Variants in CADM2 observed in about 807,000 individuals in gnomAD.
The protein encoded by CADM2 is cell adhesion molecule 2, also known as immunoglobulin superfamily member 4D.
A neutral mutation model predicts 49.8 loss-of-function variants in CADM2; 12 were observed. That is an observed-to-expected ratio of 0.24 (90% CI 0.15 to 0.39). The LOEUF (loss-of-function observed/expected upper bound fraction) is 0.39, where lower values mean the gene tolerates loss of function less well. Among genes scored for constraint, CADM2 ranks in the 10% least tolerant of loss-of-function variants. CADM2 has a pLI of 1.00. For synonymous variants in CADM2, 214 were observed against 175.4 expected (o/e 1.22, Z -1.74); for missense variants, 378 against 492.3 (o/e 0.77, Z 2.20).
chr3:86,049,750 C>T (rs1737127415), intron 8 of CADM2, among the ~76,000 whole-genome samples: 1 of 152,100 alleles, frequency 6.6e-6, no homozygotes, highest in South Asian at 2.1e-4. Context: ...TTTAAACAAC[C>T]AGATCTCATG....
chr3:85,027,862 A>G (rs2034804863), intron 1 of CADM2, among the ~76,000 whole-genome samples: 1 of 152,208 alleles, frequency 6.6e-6, no homozygotes. Flanking sequence ...TTCTGCTGGA[A>G]TATTTGCCCA....
chr3:85,356,562 C>A (rs1459237647), intron 1 of CADM2, among the ~76,000 whole-genome samples: 1 of 151,996 alleles, frequency 6.6e-6, no homozygotes, highest in Non-Finnish European at 1.5e-5. Context: ...TGAAAAGATG[C>A]CTAAGATGTA....
At chr3:85,735,297 T>C (rs913197976) in intron 2 of CADM2, among the ~76,000 whole-genome samples, 3 of 152,026 alleles carry the variant, frequency 2.0e-5, no homozygotes, top group African/African-American at 7.2e-5. Flanking sequence ...AAGCAAGCCA[T>C]GCCAATGGAA....
chr3:85,285,284 C>T (rs1197182387), intron 1 of CADM2, among the ~76,000 whole-genome samples: 1 of 151,950 alleles, frequency 6.6e-6, no homozygotes, highest in Non-Finnish European at 1.5e-5. Context: ...ATGTTCAGCA[C>T]ATATATGGTA....
intron 1 of CADM2, among the ~76,000 whole-genome samples, chr3:85,584,450 C>T (rs535829670): frequency 4.6e-5 from 7 of 151,894 alleles, no homozygotes; most frequent in Non-Finnish European, 8.8e-5. Context: ...CAAAGAAATT[C>T]GAAGACTTAA....
At chr3:85,397,508 C>T (rs1274724969) in intron 1 of CADM2, among the ~76,000 whole-genome samples, 1 of 152,080 alleles carries the variant, frequency 6.6e-6, no homozygotes, top group Non-Finnish European at 1.5e-5. Flanking sequence ...AATGGATAAG[C>T]AAAGCGTGCT....
chr3:85,412,535 T>A lies in CADM2; in HGVS notation c.62-313987T>A, dbSNP rs536483611. Among the ~76,000 whole-genome samples, 112 of 11,146 alleles carry A rather than the reference T, an allele frequency of 0.01. 4 individuals are homozygous for A. The South Asian group carries it at 0.31, about 31-fold the overall frequency. 7.3% of individuals were successfully genotyped at this position (11,146 alleles called of 152,430 possible). A position where few individuals can be genotyped will look rare whatever the true frequency, so the allele number is the denominator to read the frequency against. On this transcript the variant is annotated intron_variant, in intron 1 of 9. Coordinates refer to ENST00000383699, the MANE Select transcript of CADM2 (RefSeq NM_001167675.2). ...GGTATCCTAGGTCCTATGTAATTCG[T>A]TTTTTTTTTTTTCTGTATCATGCTT...
At chr3:85,359,659 TATATATA>T (rs1328089423) in intron 1 of CADM2, among the ~76,000 whole-genome samples, 9 of 23,812 alleles carry the variant, frequency 3.8e-4, no homozygotes, top group African/African-American at 8.6e-4. Context: ...TATATATATA[TATATATA>T]TTTTTTTTTT....
chr3:85,648,146 C>T (rs1192622962), intron 1 of CADM2, among the ~76,000 whole-genome samples: 1 of 151,898 alleles, frequency 6.6e-6, no homozygotes, highest in African/African-American at 2.4e-5. Context: ...AGCCAGTTCA[C>T]AAAGTTAATT....
chr3:85,557,412 A>C (rs2107156478), intron 1 of CADM2, among the ~76,000 whole-genome samples: 1 of 152,038 alleles, frequency 6.6e-6, no homozygotes, highest in East Asian at 1.9e-4. Flanking sequence ...TCAAAATAAT[A>C]GAAAATTTTA....
At chr3:85,658,562 T>C (rs1378765120) in intron 1 of CADM2, among the ~76,000 whole-genome samples, 1 of 128,742 alleles carries the variant, frequency 7.8e-6, no homozygotes, top group Non-Finnish European at 1.6e-5. Flanking sequence ...TCTATAAATA[T>C]ATTGGATATA....
At chr3:85,159,297 A>T (rs2040241775) in intron 1 of CADM2, among the ~76,000 whole-genome samples, 2 of 152,304 alleles carry the variant, frequency 1.3e-5, no homozygotes, top group South Asian at 4.1e-4. Flanking sequence ...AACGAGTTTA[A>T]AGATGGTGGT....
chr3:86,007,266 T>C (rs1730915094), intron 8 of CADM2, among the ~76,000 whole-genome samples: 1 of 151,978 alleles, frequency 6.6e-6, no homozygotes. Flanking sequence ...GCAGATTTGA[T>C]AAGGCTTATT....
intron 1 of CADM2, among the ~76,000 whole-genome samples, chr3:85,502,287 T>C (rs1010006412): frequency 1.3e-5 from 2 of 152,162 alleles, no homozygotes; most frequent in Non-Finnish European, 2.9e-5. Context: ...TTCAGAATGC[T>C]GTAGATTTCA....
At chr3:85,127,905 A>G (rs1301316722) in intron 1 of CADM2, among the ~76,000 whole-genome samples, 1 of 152,178 alleles carries the variant, frequency 6.6e-6, no homozygotes, top group African/African-American at 2.4e-5. Context: ...GCCCCAAACA[A>G]TACAGTTTCT....
At chr3:85,912,872 A>G (rs1467046771) in intron 6 of CADM2, among the ~76,000 whole-genome samples, 5 of 152,122 alleles carry the variant, frequency 3.3e-5, no homozygotes, top group African/African-American at 1.2e-4. Context: ...GTAATCTGAG[A>G]GGGCCTTGAT....
chr3:85,983,271 A>T (rs1433172907), intron 8 of CADM2, among the ~76,000 whole-genome samples: 7 of 151,716 alleles, frequency 4.6e-5, no homozygotes, highest in Non-Finnish European at 1.0e-4. Context: ...AAGAACTTCA[A>T]CCACATGGAA....
chr3:85,036,547 A>AT (rs150558123), intron 1 of CADM2, among the ~76,000 whole-genome samples: 10,935 of 152,116 alleles, frequency 0.072, 631 homozygotes, highest in Admixed American at 0.18. Flanking sequence ...TCTAAAAGCC[A>AT]TTTGGGTTCT....
intron 1 of CADM2, among the ~76,000 whole-genome samples, chr3:85,357,111 A>C (rs1687897840): frequency 6.6e-6 from 1 of 152,138 alleles, no homozygotes; most frequent in Non-Finnish European, 1.5e-5. Flanking sequence ...TCTATTATTT[A>C]TATCCAAACT....
Sources: allele counts gnomAD v4.1 joint callset (sites outside exome capture counted in the v4.1 genomes callset), GRCh38; gene constraint gnomAD v4.1.1; transcripts MANE v1.5; gene names NCBI Gene and HGNC (gene_info 2026-07-23, HGNC 2026-07-21).